PPP1R16A: variants seen among roughly 807,000 people sequenced by gnomAD.
PPP1R16A encodes the protein myosin phosphatase-targeting subunit 3.
PPP1R16A carries 39 observed loss-of-function variants against 46.6 expected under a neutral mutation model. That is an observed-to-expected ratio of 0.84 (90% CI 0.65 to 1.09). PPP1R16A has a LOEUF of 1.09. Among genes scored for constraint, PPP1R16A ranks in the 50% least tolerant of loss-of-function variants. The probability of loss-of-function intolerance (pLI) is 0.00; values close to 1 mark genes in which losing one functional copy is unlikely to be tolerated. For missense variants in PPP1R16A, 798 were observed against 735.6 expected, an observed-to-expected ratio of 1.08 and a Z score of -0.98; for synonymous variants, 413 against 321.5, an observed-to-expected ratio of 1.28 and a Z score of -3.04.
chr8:144,491,124 T>C (rs1825796231), intron 2 of PPP1R16A, among the ~76,000 whole-genome samples: 1 of 152,174 alleles, frequency 6.6e-6, no homozygotes, highest in African/African-American at 2.4e-5. Context: ...AGCCAGGCTC[T>C]GGCAGCCTCT....
At chr8:144,478,933 G>A (rs1248934775) in intron 1 of PPP1R16A, 1 of 152,294 alleles carries the variant, frequency 6.6e-6, no homozygotes, top group East Asian at 1.9e-4. Flanking sequence ...AGGGGAGACA[G>A]AGCAAAGTTA....
At position 144,501,113 on chromosome 8, in the gene PPP1R16A, C is replaced by T. The variant is rs776612392; in HGVS notation, c.1038-16C>T. The T allele has an allele frequency of 6.2e-6, 10 of 1,609,494 alleles. No homozygotes were observed. Among genetic ancestry groups the T allele is most frequent in the Admixed American group, 3.3e-5 (2 of 59,922 alleles). On this transcript the variant is annotated splice_polypyrimidine_tract_variant and intron_variant, in intron 10 of 11. Transcript: ENST00000435887. Reference sequence around the variant, plus strand: ...CACTCCCCTTCCCCTCACTCCCTCTCCTCTCTCCTCCCCAGGAAGGTGGTG... The same window carrying T: ...CACTCCCCTTCCCCTCACTCCCTCTTCTCTCTCCTCCCCAGGAAGGTGGTG...
chr8:144,496,650 C>T lies in PPP1R16A; in HGVS notation c.-545C>T, dbSNP rs565277014. ...CTCGTTAGTACTGATGCACTGACCT[C>T]GGCACACAGCTGGGAGGGGTTGGGG... is the stretch of plus-strand genomic sequence containing the variant. On this transcript the variant is annotated 5_prime_UTR_variant, in exon 3 of 12. Coordinates refer to ENST00000435887, the MANE Select transcript of PPP1R16A (RefSeq NM_001329443.2). 1.6e-4 allele frequency: 31 copies of T among 188,774 alleles called. No homozygotes were observed. Among genetic ancestry groups the T allele is most frequent in the South Asian group, 1.5e-3 (14 of 9,256 alleles). The allele number at this position is 188,774 out of a possible 1,614,324, so 11.7% of individuals were successfully genotyped here.
Position 144,497,335 on chromosome 8 carries a change from G to T in PPP1R16A, c.141G>T (p.Lys47Asn). The change falls in exon 3 of 12, where the codon AAG becomes AAT. Residue 47 changes from lysine (K) to asparagine (N), a missense_variant. By Grantham distance (94) the Lys-to-Asn change is moderately conservative. Transcript: ENST00000435887. ...WAQAEKEAQG[K>N]KGPGERPRKE... ...AGGCTGAGAAGGAGGCCCAGGGCAA[G>T]AAGGGTCCTGGGGAGCGTCCCCGGA... 1 of 1,612,768 alleles carries T rather than the reference G, an allele frequency of 6.2e-7. No individual in the cohort carries two copies. Among genetic ancestry groups the T allele is most frequent in the Non-Finnish European group, 8.5e-7 (1 of 1,179,908 alleles).
At chr8:144,486,588 G>A (rs1035132215) in intron 1 of PPP1R16A, among the ~76,000 whole-genome samples, 3 of 152,312 alleles carry the variant, frequency 2.0e-5, no homozygotes, top group Non-Finnish European at 4.4e-5. Flanking sequence ...GCTCTAATTT[G>A]CATTTTACGA....
chr8:144,489,049 C>T (rs1360181521), intron 1 of PPP1R16A, among the ~76,000 whole-genome samples: 2 of 151,116 alleles, frequency 1.3e-5, no homozygotes, highest in African/African-American at 4.9e-5. Flanking sequence ...ACTAAAAATA[C>T]AAATATTAGC....
Position 144,501,150 on chromosome 8 carries a change from C to T in PPP1R16A, c.1059C>T (p.Ser353=), listed in dbSNP as rs1487564006. 1 of 1,610,766 alleles carries T rather than the reference C, an allele frequency of 6.2e-7. No individual in the cohort carries two copies. The highest frequency in any genetic ancestry group is 1.1e-5 in the South Asian group (1 of 91,076). Residue 353 remains serine (S), a synonymous_variant, in exon 11 of 12, where the codon AGC becomes AGT. Transcript: ENST00000435887. ...CCAGGAAGGTGGTGAGGCGGGTGAG[C>T]CTAACCCAGCGCACCGACCTGTACC... is the stretch of plus-strand genomic sequence containing the variant. The part of the protein sequence containing the change: ...GSRGKVVRRV[S]LTQRTDLYRK...
intron 1 of PPP1R16A, among the ~76,000 whole-genome samples, chr8:144,481,337 G>A (rs908683184): frequency 3.9e-5 from 6 of 152,036 alleles, no homozygotes; most frequent in East Asian, 3.9e-4. Context: ...TAGGTTTGGC[G>A]TCCCTTTTTA....
Position 144,498,830 on chromosome 8 carries a change from CCCTGCACCAGGTCAG to C in PPP1R16A, c.328_330+12del. ...TTGGCCAACGAGGACGGCCTGACGG[CCCTGCACCAGGTCAG>C]CCTGCACTGGGTGTGGGCAGGGTGG... On this transcript the variant is annotated splice_donor_variant and splice_donor_5th_base_variant and coding_sequence_variant and intron_variant, in exon 4 of 12. Coordinates refer to ENST00000435887, the MANE Select transcript of PPP1R16A (RefSeq NM_001329443.2). LOFTEE classifies it high-confidence loss of function. 1 of 1,609,802 alleles carries C rather than the reference CCCTGCACCAGGTCAG, an allele frequency of 6.2e-7. No individual in the cohort carries two copies. The highest frequency in any genetic ancestry group is 8.5e-7 in the Non-Finnish European group (1 of 1,177,394).
chr8:144,500,819 T>C (rs1002265421), intron 9 of PPP1R16A, 23 bp from the exon 10 acceptor site: 1 of 1,590,286 alleles, frequency 6.3e-7, no homozygotes. Flanking sequence ...AGGGCGCCCC[T>C]GACGCCTGCG....
intron 1 of PPP1R16A, among the ~76,000 whole-genome samples, chr8:144,484,542 A>T (rs1825567624): frequency 6.6e-6 from 1 of 152,234 alleles, no homozygotes; most frequent in African/African-American, 2.4e-5. Flanking sequence ...CAGATGCCTC[A>T]GGCTGCCAGC....
chr8:144,499,976 C>G (rs1826328377), intron 5 of PPP1R16A, 120 bp from the exon 6 acceptor site: 6 of 963,870 alleles, frequency 6.2e-6, no homozygotes, highest in Non-Finnish European at 9.3e-6. Flanking sequence ...AGCAGGTGGA[C>G]AGGGTGCCTC....
chr8:144,481,845 T>C (rs1825441102), intron 1 of PPP1R16A, among the ~76,000 whole-genome samples: 1 of 152,118 alleles, frequency 6.6e-6, no homozygotes. Flanking sequence ...TGGCACGATC[T>C]TGGCTCACCG....
chr8:144,501,630 C>G lies in PPP1R16A; in HGVS notation c.1314C>G (p.Pro438=), dbSNP rs751827193. 1 of 1,611,024 alleles carries G rather than the reference C, an allele frequency of 6.2e-7. No homozygotes were observed. The change falls in exon 12 of 12, where the codon CCC becomes CCG. Residue 438 remains proline, a synonymous_variant. Coordinates refer to ENST00000435887, the MANE Select transcript of PPP1R16A (RefSeq NM_001329443.2). ...GGAGTGTCTCCTACCAGCTGAGCCCCCTGGACAGCACCACCCCCCACACCC... is the reference window on the plus strand; with the variant it reads ...GGAGTGTCTCCTACCAGCTGAGCCCGCTGGACAGCACCACCCCCCACACCC... ...LDRSVSYQLS[P]LDSTTPHTLV...
chr8:144,489,372 G>A (rs1261127052), intron 1 of PPP1R16A, among the ~76,000 whole-genome samples: 5 of 106,262 alleles, frequency 4.7e-5, no homozygotes, highest in Non-Finnish European at 9.6e-5. Context: ...TCTGAGGGGG[G>A]TTGGTCTGAG....
At chr8:144,498,249 G>A (rs1009917710) in intron 3 of PPP1R16A, 11 of 366,164 alleles carry the variant, frequency 3.0e-5, no homozygotes, top group South Asian at 1.2e-4. Flanking sequence ...CCCAGGCACC[G>A]TCAGGGAGAA....
rs371263663 is a variant in PPP1R16A at position 144,501,855 on chromosome 8, G to T, written c.1539G>T (p.Pro513=). The change falls in exon 12 of 12, where the codon CCG becomes CCT. Residue 513 remains proline (P), a synonymous_variant. Transcript: ENST00000435887. The part of the protein sequence containing the change: ...GDPPLLKLTA[P]AVEAPVERRP... ...CACCCCTGCTCAAGCTCACAGCCCC[G>T]GCGGTGGAGGCTCCCGTGGAGAGGA... is the stretch of plus-strand genomic sequence containing the variant. 2.7e-4 allele frequency: 413 copies of T among 1,546,186 alleles called. 1 individual carries two copies. Among genetic ancestry groups the T allele is most frequent in the African/African-American group, 2.4e-3 (177 of 73,260 alleles).
Position 144,498,900 on chromosome 8 carries a change from G to A in PPP1R16A, c.331-16G>A, listed in dbSNP as rs375904424. 17 of 1,612,514 alleles carry A rather than the reference G, an allele frequency of 1.1e-5. No individual in the cohort carries two copies. The highest frequency in any genetic ancestry group is 2.7e-5 in the African/African-American group (2 of 74,954). ...TGGCCCCCGTGCTCTGGTCGCTCACGTGGCACGGTTTGCAGTGCTGCATTG... is the reference window on the plus strand; with the variant it reads ...TGGCCCCCGTGCTCTGGTCGCTCACATGGCACGGTTTGCAGTGCTGCATTG... On this transcript the variant is annotated splice_polypyrimidine_tract_variant and intron_variant, in intron 4 of 11. Coordinates refer to ENST00000435887, the MANE Select transcript of PPP1R16A (RefSeq NM_001329443.2).
rs779754569 is a variant in PPP1R16A, at chr8:144,501,955, C to T, written c.*52C>T. The T allele has an allele frequency of 4.4e-5, 64 of 1,460,612 alleles. 1 individual carries two copies. The East Asian group carries it at 1.3e-3, about 29-fold the overall frequency. The allele number at this position is 1,460,612 out of a possible 1,614,324, so 90.5% of individuals were successfully genotyped here. On this transcript the variant is annotated 3_prime_UTR_variant, in exon 12 of 12. Coordinates refer to ENST00000435887, the MANE Select transcript of PPP1R16A (RefSeq NM_001329443.2). ...TGTCGCGGGCACAGCCCAAGGCTGC[C>T]TCCCCACGGTGCGTGCCCTGGTGCT...
Sources: allele counts gnomAD v4.1 joint callset (sites outside exome capture counted in the v4.1 genomes callset), GRCh38; gene constraint gnomAD v4.1.1; transcripts MANE v1.5; gene names NCBI Gene and HGNC (gene_info 2026-07-23, HGNC 2026-07-21).